ALKBH8: variants seen among roughly 807,000 people sequenced by gnomAD.
ALKBH8 encodes alkB homolog 8, tRNA methyltransferase.
Under a neutral mutation model 59.8 loss-of-function variants are expected in ALKBH8, and 36 were observed. The ratio of observed to expected loss-of-function variants is 0.60; its 90% CI spans 0.46 to 0.79. The LOEUF is 0.79. Ranked by LOEUF, ALKBH8 falls within the 30% of genes least tolerant of loss-of-function variation. The pLI is 0.00. For synonymous variants in ALKBH8, 276 were observed against 273.6 expected (o/e 1.01, Z -0.09); for missense variants, 768 against 801.0 (o/e 0.96, Z 0.50).
At chr11:107,513,327 T>A (rs1259321622) in intron 10 of ALKBH8, among the ~76,000 whole-genome samples, 1 of 152,068 alleles carries the variant, frequency 6.6e-6, no homozygotes, top group African/African-American at 2.4e-5. Context: ...TAGAGAAATG[T>A]AAATCAAAAC....
At chr11:107,532,691 G>T (rs1279151547) in intron 7 of ALKBH8, among the ~76,000 whole-genome samples, 1 of 152,088 alleles carries the variant, frequency 6.6e-6, no homozygotes, top group East Asian at 1.9e-4. Context: ...TATGAAGCAG[G>T]TGGTCTCAGG....
chr11:107,504,737 C>T lies in ALKBH8; in HGVS notation c.1916G>A (p.Cys639Tyr). 1 of 1,552,114 alleles carries T rather than the reference C, an allele frequency of 6.4e-7. No homozygotes were observed. The highest frequency in any genetic ancestry group is 8.7e-7 in the Non-Finnish European group (1 of 1,147,054). ...AATTCTGACATCACTCACAGTCCTG[C>T]AGGCACCTTCCAGTTCTCCCTCACG... Reference protein sequence around the residue: ...VFREGELEGACRTVSDVRILQ... With the variant: ...VFREGELEGAYRTVSDVRILQ... The change falls in exon 12 of 12, where the codon TGC becomes TAC. Residue 639 changes from cysteine to tyrosine, a missense_variant. Physicochemically the swap from Cys to Tyr is radical, Grantham distance 194. Coordinates refer to ENST00000428149, the MANE Select transcript of ALKBH8 (RefSeq NM_138775.3).
intron 2 of ALKBH8, among the ~76,000 whole-genome samples, chr11:107,559,582 G>A (rs915512474): frequency 6.6e-6 from 1 of 152,278 alleles, no homozygotes; most frequent in Non-Finnish European, 1.5e-5. Flanking sequence ...AGTGATGAGA[G>A]CAGTGTATGT....
At chr11:107,528,612 T>C (rs906009840) in intron 8 of ALKBH8, among the ~76,000 whole-genome samples, 3 of 152,162 alleles carry the variant, frequency 2.0e-5, no homozygotes, top group East Asian at 1.9e-4. Context: ...CATTCTCTAT[T>C]ATGGTTCTTT....
rs1864961048 is a variant in ALKBH8, at chr11:107,562,149, A to G, written c.-6-1250T>C. Among the ~76,000 whole-genome samples, 7 of 152,090 alleles carry G rather than the reference A, an allele frequency of 4.6e-5. No individual in the cohort carries two copies. In the South Asian group the frequency reaches 1.5e-3, roughly 32 times the overall value. ...TCTGTCTCTACTAAAAGTACAAAAA[A>G]TTAGCCACGTGTGGTGGTGGGCACC... is the stretch of plus-strand genomic sequence containing the variant. On this transcript the variant is annotated intron_variant, in intron 1 of 11. Coordinates refer to ENST00000428149, the MANE Select transcript of ALKBH8 (RefSeq NM_138775.3).
chr11:107,560,685 C>A, intron 2 of ALKBH8, 80 bp downstream of exon 2: 1 of 1,337,522 alleles, frequency 7.5e-7, no homozygotes, highest in Non-Finnish European at 1.0e-6. Context: ...CAGCCTTAGG[C>A]AATTATTAGC....
chr11:107,548,505 G>GT (rs1316711279), intron 7 of ALKBH8, among the ~76,000 whole-genome samples: 1 of 152,074 alleles, frequency 6.6e-6, no homozygotes, highest in Admixed American at 6.5e-5. Flanking sequence ...AGGATGGGGG[G>GT]TAAAAATAAA....
At chr11:107,542,895 G>C (rs1864101293) in intron 7 of ALKBH8, among the ~76,000 whole-genome samples, 1 of 152,144 alleles carries the variant, frequency 6.6e-6, no homozygotes, top group Admixed American at 6.5e-5. Context: ...GGGCAACAGA[G>C]CAAGATCCTG....
Position 107,530,610 on chromosome 11 carries a change from C to CAG in ALKBH8, c.878+1689_878+1690insCT, listed in dbSNP as rs1318610656. Among the ~76,000 whole-genome samples, 3 of 16,776 alleles carry CAG rather than the reference C, an allele frequency of 1.8e-4. No individual in the cohort carries two copies. In the East Asian group the frequency reaches 4.1e-3, roughly 23 times the overall value. 11.0% of individuals were successfully genotyped at this position (16,776 alleles called of 152,430 possible). On this transcript the variant is annotated intron_variant, in intron 8 of 11. Coordinates refer to ENST00000428149, the MANE Select transcript of ALKBH8 (RefSeq NM_138775.3). ...TCTCTCTCTCTTCCTAACACACACA[C>CAG]ACACACACACACACACACACACACA... is the stretch of plus-strand genomic sequence containing the variant.
At chr11:107,556,638 T>C (rs2092034297) in intron 3 of ALKBH8, 128 bp downstream of exon 3, 1 of 561,388 alleles carries the variant, frequency 1.8e-6, no homozygotes, top group Non-Finnish European at 2.8e-6. Context: ...AGAATGTTTG[T>C]TAAAGTAAAA....
intron 10 of ALKBH8, among the ~76,000 whole-genome samples, chr11:107,513,331 T>C (rs1464894114): frequency 1.3e-5 from 2 of 151,954 alleles, no homozygotes; most frequent in Non-Finnish European, 2.9e-5. Flanking sequence ...GAAATGTAAA[T>C]CAAAACCACA....
At chr11:107,533,722 A>G (rs868807954) in intron 7 of ALKBH8, among the ~76,000 whole-genome samples, 4 of 152,222 alleles carry the variant, frequency 2.6e-5, no homozygotes, top group Non-Finnish European at 5.9e-5. Context: ...TAAAGGGATG[A>G]GAAGATGGTT....
chr11:107,560,596 G>T (rs546960239), intron 2 of ALKBH8, among the ~76,000 whole-genome samples, 169 bp downstream of exon 2: 53 of 152,144 alleles, frequency 3.5e-4, no homozygotes, highest in Admixed American at 3.1e-3. Context: ...CAAACTATAG[G>T]CTATGGACCA....
chr11:107,533,376 A>G (rs190422675), intron 7 of ALKBH8, among the ~76,000 whole-genome samples: 90 of 152,312 alleles, frequency 5.9e-4, no homozygotes, highest in South Asian at 1.7e-3. Context: ...AGCATTCAAT[A>G]AATGGTAGCT....
chr11:107,545,499 AAG>A (rs1403146807), intron 7 of ALKBH8, among the ~76,000 whole-genome samples: 1 of 152,212 alleles, frequency 6.6e-6, no homozygotes, highest in African/African-American at 2.4e-5. Context: ...TGAGCCTGGA[AAG>A]AGAGCAGGAA....
intron 8 of ALKBH8, 112 bp downstream of exon 8, chr11:107,532,188 C>A: frequency 2.5e-6 from 2 of 790,218 alleles, no homozygotes; most frequent in South Asian, 4.2e-5. Flanking sequence ...CCTAGGAGTT[C>A]TGAACCCAGA....
intron 2 of ALKBH8, among the ~76,000 whole-genome samples, chr11:107,558,697 T>G (rs1950031): frequency 0.34 from 51,195 of 152,102 alleles, 9,522 homozygotes; most frequent in South Asian, 0.48. Context: ...TACATATAAT[T>G]AAATGTCATA....
At chr11:107,544,099 G>C (rs1238251348) in intron 7 of ALKBH8, among the ~76,000 whole-genome samples, 1 of 152,152 alleles carries the variant, frequency 6.6e-6, no homozygotes, top group Non-Finnish European at 1.5e-5. Context: ...GTAGTTTTCT[G>C]AACTCTATTG....
chr11:107,531,809 C>T (rs1330767225), intron 8 of ALKBH8, among the ~76,000 whole-genome samples: 1 of 152,100 alleles, frequency 6.6e-6, no homozygotes, highest in Non-Finnish European at 1.5e-5. Context: ...TGTCTTACAA[C>T]CTTTAAAAAT....
Sources: gnomAD v4.1 joint callset for allele counts (sites outside exome capture counted in the v4.1 genomes callset) on GRCh38, gnomAD v4.1.1 for gene constraint, MANE v1.5 for transcripts, NCBI Gene and HGNC (gene_info 2026-07-23, HGNC 2026-07-21) for gene names.